The following CD96 variants were observed in gnomAD, a reference collection of about 807,000 sequenced individuals.
The protein encoded by CD96 is CD96 molecule.
Under a neutral mutation model 71.3 loss-of-function variants are expected in CD96, and 70 were observed. That is an observed-to-expected ratio of 0.98 (90% confidence interval 0.81 to 1.20). The LOEUF (loss-of-function observed/expected upper bound fraction) is 1.20. Ranked by LOEUF, CD96 falls within the 50% of genes most tolerant of loss-of-function variation. The pLI, the probability that CD96 is intolerant of heterozygous loss-of-function variation, is 0.00. For synonymous variants in CD96, 248 were observed against 233.0 expected, an observed-to-expected ratio of 1.06 and a Z score of -0.59; for missense variants, 742 against 677.5, an observed-to-expected ratio of 1.10 and a Z score of -1.06.
chr3:111,601,921 C>G (rs1937509677), intron 7 of CD96, among the ~76,000 whole-genome samples: 1 of 152,220 alleles, frequency 6.6e-6, no homozygotes, highest in Non-Finnish European at 1.5e-5. Flanking sequence ...AGGTGTGATT[C>G]TGATGCCGGG....
At chr3:111,611,843 G>A (rs1049379222) in intron 8 of CD96, among the ~76,000 whole-genome samples, 2 of 152,188 alleles carry the variant, frequency 1.3e-5, no homozygotes, top group Non-Finnish European at 2.9e-5. Flanking sequence ...AGGGCTAAGG[G>A]TTGATTAGGT....
At chr3:111,601,160 T>G (rs1937479926) in intron 7 of CD96, among the ~76,000 whole-genome samples, 1 of 152,214 alleles carries the variant, frequency 6.6e-6, no homozygotes, top group Non-Finnish European at 1.5e-5. Context: ...TACAGAAAAT[T>G]TTTTGTTCCA....
intron 2 of CD96, among the ~76,000 whole-genome samples, chr3:111,556,905 T>C (rs990792397): frequency 7.5e-6 from 1 of 134,096 alleles, no homozygotes; most frequent in African/African-American, 3.0e-5. Context: ...TTCTAACTGG[T>C]GTGAGATGGT....
At chr3:111,607,279 G>A (rs959993350) in intron 8 of CD96, among the ~76,000 whole-genome samples, 1 of 152,078 alleles carries the variant, frequency 6.6e-6, no homozygotes, top group Admixed American at 6.6e-5. Context: ...GTTGTAAATG[G>A]GGATAGGCCA....
chr3:111,558,980 C>A (rs910969596), intron 2 of CD96, among the ~76,000 whole-genome samples: 1 of 152,112 alleles, frequency 6.6e-6, no homozygotes, highest in Non-Finnish European at 1.5e-5. Context: ...TCTAGATTTT[C>A]CAGTTTATTT....
chr3:111,544,854 A>G (rs1434216100), intron 1 of CD96, among the ~76,000 whole-genome samples, 192 bp from the exon 2 acceptor site: 1 of 152,218 alleles, frequency 6.6e-6, no homozygotes, highest in East Asian at 1.9e-4. Context: ...TTCTCTACGT[A>G]AATGCCTCCT....
At chr3:111,604,224 G>A (rs1232933637) in intron 7 of CD96, among the ~76,000 whole-genome samples, 1 of 152,178 alleles carries the variant, frequency 6.6e-6, no homozygotes, top group Non-Finnish European at 1.5e-5. Flanking sequence ...TGCTGCCCAT[G>A]AGGGTGGTTC....
chr3:111,603,921 C>T (rs921865136), intron 7 of CD96, among the ~76,000 whole-genome samples: 4 of 152,178 alleles, frequency 2.6e-5, no homozygotes, highest in Admixed American at 6.5e-5. Context: ...TTGACTGATC[C>T]TTTCTGAGAG....
intron 1 of CD96, among the ~76,000 whole-genome samples, chr3:111,542,894 G>A (rs1934178761): frequency 6.6e-6 from 1 of 152,186 alleles, no homozygotes; most frequent in African/African-American, 2.4e-5. Context: ...AGAGAAGGAA[G>A]CAAGATTAGT....
intron 12 of CD96, among the ~76,000 whole-genome samples, chr3:111,640,695 C>T (rs1939550433): frequency 6.6e-6 from 1 of 152,134 alleles, no homozygotes; most frequent in South Asian, 2.1e-4. Context: ...ATTAGGTTAT[C>T]CAAAGTTAAG....
intron 2 of CD96, among the ~76,000 whole-genome samples, chr3:111,563,712 A>G (rs1426503852): frequency 6.6e-6 from 1 of 152,170 alleles, no homozygotes; most frequent in Non-Finnish European, 1.5e-5. Flanking sequence ...TTGTATCTTT[A>G]TTTAAAAACA....
chr3:111,593,972 G>T (rs369393306), intron 5 of CD96: 6 of 1,614,064 alleles, frequency 3.7e-6, no homozygotes, highest in Non-Finnish European at 5.1e-6. Flanking sequence ...CAGGCGGCAG[G>T]TGGCATACTG....
rs112543132 is a variant in CD96 at position 111,662,259 on chromosome 3, C to T, written c.*53-3268C>T. Among the ~76,000 whole-genome samples, 1,389 of 152,342 alleles carry T rather than the reference C, an allele frequency of 9.1e-3. 9 individuals are homozygous for T. Among genetic ancestry groups the T allele is most frequent in the Non-Finnish European group, 0.014 (969 of 68,032 alleles). ...GAGCCCTGGGCCTAGCCCAGGAAAC[C>T]ATTTTTCCCTCTTAGTCCTCCAGGC... On this transcript the variant is annotated intron_variant and NMD_transcript_variant, in intron 14 of 14. Coordinates refer to the CD96 transcript ENST00000494798.
chr3:111,662,510 G>A (rs569334530), intron 14 of CD96, among the ~76,000 whole-genome samples: 2 of 152,240 alleles, frequency 1.3e-5, no homozygotes, highest in Admixed American at 1.3e-4. Context: ...CTAGTTTCAG[G>A]TTATTTCTTT....
At chr3:111,658,513 G>A (rs1940284331) in intron 14 of CD96, among the ~76,000 whole-genome samples, 1 of 152,190 alleles carries the variant, frequency 6.6e-6, no homozygotes, top group South Asian at 2.1e-4. Flanking sequence ...ACTAAGTTGA[G>A]GAAATTTTGA....
In CD96 at chr3:111,640,395, G is replaced by T. The variant is rs1004793064; in HGVS notation, c.1477+2227G>T. 2.0e-5 allele frequency among the ~76,000 whole-genome samples: 3 copies of T among 152,190 alleles called. No individual in the cohort carries two copies. In the South Asian group the frequency reaches 6.2e-4, roughly 32 times the overall value. ...AACAAATAGAAGAAAGAAATTCAGA[G>T]CTCAAAAGCAAGATCTTCAAATTAA... On this transcript the variant is annotated intron_variant, in intron 12 of 13. Transcript: ENST00000352690.
At chr3:111,620,623 C>A (rs1366011881) in intron 8 of CD96, among the ~76,000 whole-genome samples, 1 of 152,096 alleles carries the variant, frequency 6.6e-6, no homozygotes, top group Non-Finnish European at 1.5e-5. Context: ...AGCTGGAGAC[C>A]AATAGGAGCG....
chr3:111,644,095 G>A (rs1939717911), intron 12 of CD96, among the ~76,000 whole-genome samples: 1 of 152,094 alleles, frequency 6.6e-6, no homozygotes, highest in Non-Finnish European at 1.5e-5. Context: ...ATACTATAAA[G>A]CCATAGTCAT....
intron 10 of CD96, among the ~76,000 whole-genome samples, chr3:111,631,386 C>T (rs1488252105): frequency 1.3e-5 from 2 of 152,124 alleles, no homozygotes; most frequent in African/African-American, 4.8e-5. Context: ...TGAATGAATT[C>T]CCATTCACAA....
Sources: gnomAD v4.1 joint callset for allele counts (sites outside exome capture counted in the v4.1 genomes callset) on GRCh38, gnomAD v4.1.1 for gene constraint, MANE v1.5 for transcripts, NCBI Gene and HGNC (gene_info 2026-07-23, HGNC 2026-07-21) for gene names.